The following LSM14A variants were observed in gnomAD, a reference collection of about 807,000 sequenced individuals.
LSM14A encodes the protein protein LSM14 homolog A.
LSM14A carries 14 observed loss-of-function variants against 52.4 expected under a neutral mutation model. The ratio of observed to expected loss-of-function variants is 0.27; its 90% CI spans 0.18 to 0.42. The LOEUF is 0.42. Ranked by LOEUF, LSM14A falls within the 10% of genes least tolerant of loss-of-function variation. The pLI is 1.00. For synonymous variants in LSM14A, 185 were observed against 200.3 expected, an observed-to-expected ratio of 0.92 and a Z score of 0.64; for missense variants, 417 against 581.8, an observed-to-expected ratio of 0.72 and a Z score of 2.91.
rs149275422 is a variant in LSM14A at position 34,221,682 on chromosome 19, C to A, written c.1312C>A (p.Arg438Ser). ...GGTFTAPRGF[R>S]GGFRGGRGGR... ...TACCTTCACTGCCCCTCGAGGATTT[C>A]GCGGTGGATTCAGAGGAGGTCGTGG... The change falls in exon 9 of 10, where the codon CGC becomes AGC. Residue 438 changes from arginine to serine, a missense_variant. Arg to Ser is a moderately radical substitution (Grantham distance 110). Around this residue, in one of 2 missense-constraint regions of LSM14A, gnomAD observed 357 missense variants for 457.0 expected, o/e 0.78. Transcript: ENST00000544216. 165 of 1,613,996 alleles carry A rather than the reference C, an allele frequency of 1.0e-4. No individual in the cohort carries two copies. The highest frequency in any genetic ancestry group is 9.8e-4 in the Admixed American group (59 of 59,994).
At position 34,192,319 on chromosome 19, in the gene LSM14A, G is replaced by GTTTTTTTTTTTTTTTTT. The variant is rs71165632; in HGVS notation, c.122-2152_122-2136dup. 1.2e-3 allele frequency among the ~76,000 whole-genome samples: 62 copies of GTTTTTTTTTTTTTTTTT among 53,398 alleles called. 3 individuals are homozygous for GTTTTTTTTTTTTTTTTT. Among genetic ancestry groups the GTTTTTTTTTTTTTTTTT allele is most frequent in the African/African-American group, 3.2e-3 (40 of 12,354 alleles). The allele number at this position is 53,398 out of a possible 152,430, so 35.0% of individuals were successfully genotyped here. A position where few individuals can be genotyped will look rare whatever the true frequency, so the allele number is the denominator to read the frequency against. On this transcript the variant is annotated intron_variant, in intron 1 of 9. Coordinates refer to ENST00000544216, the MANE Select transcript of LSM14A (RefSeq NM_015578.4). ...ACACTGAAATAACATTCTTTTTGTT[G>GTTTTTTTTTTTTTTTTT]TTTTTTTTTTTTTTTTTTTTTTTGG...
At chr19:34,192,461 G>A (rs970952550) in intron 1 of LSM14A, among the ~76,000 whole-genome samples, 3 of 149,728 alleles carry the variant, frequency 2.0e-5, no homozygotes, top group Non-Finnish European at 4.4e-5. Context: ...GAGCAGCTAG[G>A]ACTACAGGTG....
chr19:34,216,162 C>G (rs1315230828), intron 6 of LSM14A, among the ~76,000 whole-genome samples: 1 of 151,978 alleles, frequency 6.6e-6, no homozygotes, highest in Non-Finnish European at 1.5e-5. Flanking sequence ...GCCTGTAATT[C>G]CAGCACTTTG....
At chr19:34,214,011 G>C (rs930725051) in intron 4 of LSM14A, among the ~76,000 whole-genome samples, 2 of 152,050 alleles carry the variant, frequency 1.3e-5, no homozygotes, top group Non-Finnish European at 2.9e-5. Flanking sequence ...TCGAACTCCT[G>C]AGCTCAAGCG....
rs773235320 is a variant in LSM14A at position 34,227,380 on chromosome 19, G to C, written c.1384G>C (p.Ala462Pro). ...DFEYRKDNKVAA is the reference protein window; with the variant it reads ...DFEYRKDNKVPA ...TCTTTTTTAGAAAGACAACAAAGTT[G>C]CTGCATAGTCTACAAACAAGTCTCT... Residue 462 changes from alanine to proline, a missense_variant, in exon 10 of 10, where the codon GCT becomes CCT. Transcript: ENST00000544216. 6.3e-7 allele frequency: 1 copy of C among 1,597,178 alleles called. No individual in the cohort carries two copies. Among genetic ancestry groups the C allele is most frequent in the Non-Finnish European group, 8.5e-7 (1 of 1,173,340 alleles).
chr19:34,201,857 T>C (rs1269617704), intron 3 of LSM14A, among the ~76,000 whole-genome samples: 2 of 152,220 alleles, frequency 1.3e-5, no homozygotes, highest in African/African-American at 2.4e-5. Context: ...GGTCTCTTTC[T>C]GTCATCCAGG....
chr19:34,194,427 C>T (rs748078358), intron 1 of LSM14A, 51 bp from the exon 2 acceptor site: 2 of 1,481,844 alleles, frequency 1.3e-6, no homozygotes, highest in South Asian at 2.3e-5. Context: ...TGGGGTACTA[C>T]CTGAATGTGA....
At chr19:34,215,729 A>G (rs777161905) in intron 6 of LSM14A, 68 bp downstream of exon 6, 38 of 1,093,608 alleles carry the variant, frequency 3.5e-5, no homozygotes, top group Non-Finnish European at 4.5e-5. Flanking sequence ...AATATATGAT[A>G]CATAATTACT....
At chr19:34,187,248 CAAA>C (rs753895752) in intron 1 of LSM14A, among the ~76,000 whole-genome samples, 1 of 119,102 alleles carries the variant, frequency 8.4e-6, no homozygotes. Context: ...GACTCGGTCT[CAAA>C]AAAAAAAAAA....
chr19:34,195,032 G>A (rs1457323115), intron 2 of LSM14A, among the ~76,000 whole-genome samples: 1 of 151,780 alleles, frequency 6.6e-6, no homozygotes, highest in Non-Finnish European at 1.5e-5. Flanking sequence ...CAGAATCTAG[G>A]ATCCGTGCTA....
chr19:34,204,633 G>A (rs1452465009), intron 3 of LSM14A, among the ~76,000 whole-genome samples: 1 of 152,008 alleles, frequency 6.6e-6, no homozygotes, highest in Non-Finnish European at 1.5e-5. Context: ...TGGGAGACTT[G>A]ATTGAGCCCA....
chr19:34,214,496 A>G (rs775543270), intron 4 of LSM14A, among the ~76,000 whole-genome samples: 2 of 151,962 alleles, frequency 1.3e-5, no homozygotes, highest in African/African-American at 4.8e-5. Context: ...TTCAGTAGAG[A>G]CAGGGTTTCG....
intron 1 of LSM14A, among the ~76,000 whole-genome samples, chr19:34,180,755 C>T (rs1457420225): frequency 6.6e-6 from 1 of 152,204 alleles, no homozygotes; most frequent in African/African-American, 2.4e-5. Flanking sequence ...ACCCCATTCC[C>T]CTCTTGCTGT....
At chr19:34,184,515 AT>A (rs1163270638) in intron 1 of LSM14A, among the ~76,000 whole-genome samples, 24 of 152,304 alleles carry the variant, frequency 1.6e-4, no homozygotes, top group African/African-American at 5.3e-4. Flanking sequence ...CATGGAGTTC[AT>A]GGTAGATTTC....
At chr19:34,197,661 G>A (rs967004763) in intron 3 of LSM14A, among the ~76,000 whole-genome samples, 6 of 151,576 alleles carry the variant, frequency 4.0e-5, no homozygotes, top group African/African-American at 1.2e-4. Context: ...AGCTGGTCTC[G>A]AACTCCTGAC....
At chr19:34,226,060 CAA>C (rs74177122) in intron 9 of LSM14A, among the ~76,000 whole-genome samples, 2 of 131,506 alleles carry the variant, frequency 1.5e-5, no homozygotes, top group African/African-American at 2.8e-5. Context: ...AGGCCTGTCT[CAA>C]AAAAAAAAAA....
At chr19:34,221,911 A>G (rs2073090647) in intron 9 of LSM14A, 173 bp downstream of exon 9, 4 of 1,282,308 alleles carry the variant, frequency 3.1e-6, no homozygotes, top group Admixed American at 3.0e-5. Context: ...AAGACATTAT[A>G]CAAAAAAAGA....
At chr19:34,216,616 T>C (rs1425095020) in intron 6 of LSM14A, among the ~76,000 whole-genome samples, 1 of 151,826 alleles carries the variant, frequency 6.6e-6, no homozygotes, top group Non-Finnish European at 1.5e-5. Flanking sequence ...CGTGCCACCA[T>C]ACCCAGCTAA....
At position 34,176,346 on chromosome 19, in the gene LSM14A, T is replaced by TA. The variant is rs548582335; in HGVS notation, c.121+3584dup. ...AACCTAACTACACAGGCTGAAAAGA[T>TA]ACATAAGATAAAAATGAAATATTTT... On this transcript the variant is annotated intron_variant, in intron 1 of 9. Transcript: ENST00000544216. Among the ~76,000 whole-genome samples the TA allele has an allele frequency of 2.0e-4, 30 of 152,184 alleles. No individual in the cohort carries two copies. The East Asian group carries it at 5.8e-3, about 29-fold the overall frequency.
Sources: gnomAD v4.1 joint callset for allele counts (sites outside exome capture counted in the v4.1 genomes callset) on GRCh38, gnomAD v4.1.1 for gene constraint, gnomAD v4.1.1 regional missense constraint, MANE v1.5 for transcripts, NCBI Gene and HGNC (gene_info 2026-07-23, HGNC 2026-07-21) for gene names.